The following RBM45 variants were observed in gnomAD, a reference collection of about 807,000 sequenced individuals.
RBM45 encodes the protein RNA binding motif protein 45.
A neutral mutation model predicts 58.5 loss-of-function variants in RBM45; 39 were observed. The ratio of observed to expected loss-of-function variants is 0.67; its 90% CI spans 0.52 to 0.87. The LOEUF (loss-of-function observed/expected upper bound fraction) is 0.87. Ranked by LOEUF, RBM45 falls within the 40% of genes least tolerant of loss-of-function variation. The pLI is 0.00. For synonymous variants in RBM45, 193 were observed against 203.0 expected (o/e 0.95, Z 0.42); for missense variants, 481 against 581.6 (o/e 0.83, Z 1.78).
At chr2:178,125,315 A>G (rs773008068) in intron 8 of RBM45, among the ~76,000 whole-genome samples, 6 of 152,226 alleles carry the variant, frequency 3.9e-5, no homozygotes, top group Non-Finnish European at 7.3e-5. Flanking sequence ...TGTAGGAAAC[A>G]GACAAGTAAA....
rs746594137 is a variant in RBM45 at position 178,123,829 on chromosome 2, C to T, written c.985C>T (p.Leu329Phe). Residue 329 changes from leucine (L) to phenylalanine (F), a missense_variant and splice_region_variant, in exon 7 of 10, where the codon CTC (leucine) becomes TTC (phenylalanine). Coordinates refer to ENST00000286070, the MANE Select transcript of RBM45 (RefSeq NM_152945.4). Reference sequence around the variant, plus strand: ...TAAATTATCAGTTATTTTTTCCAGTCTCCTTAGAAAAATGGCAACACAGAT... The same window carrying T: ...TAAATTATCAGTTATTTTTTCCAGTTTCCTTAGAAAAATGGCAACACAGAT... Reference protein sequence around the residue: ...FIDDGSNATDLLRKMATQMVA... With the variant: ...FIDDGSNATDFLRKMATQMVA... 1.2e-6 allele frequency: 2 copies of T among 1,612,872 alleles called. No homozygotes were observed. The highest frequency in any genetic ancestry group is 2.2e-5 in the South Asian group (2 of 90,760).
intron 1 of RBM45, among the ~76,000 whole-genome samples, chr2:178,115,473 A>G (rs1164997394): frequency 1.3e-5 from 2 of 152,092 alleles, no homozygotes; most frequent in Admixed American, 6.5e-5. Context: ...CTAGTGGGCC[A>G]TTTCCATGTT....
intron 5 of RBM45, 35 bp downstream of exon 5, chr2:178,121,394 A>ATT: frequency 1.1e-6 from 1 of 895,386 alleles, no homozygotes; most frequent in Non-Finnish European, 1.5e-6. Flanking sequence ...ATATATATAT[A>ATT]TGTATATATA....
intron 5 of RBM45, among the ~76,000 whole-genome samples, 162 bp from the exon 6 acceptor site, chr2:178,123,360 C>T (rs1480116981): frequency 6.6e-6 from 1 of 152,156 alleles, no homozygotes; most frequent in Non-Finnish European, 1.5e-5. Flanking sequence ...ACCTGTTGCA[C>T]ACATGATAAC....
At chr2:178,119,496 G>A (rs1173982482) in intron 3 of RBM45, among the ~76,000 whole-genome samples, 1 of 152,180 alleles carries the variant, frequency 6.6e-6, no homozygotes, top group East Asian at 1.9e-4. Context: ...TGGAACATGG[G>A]AACCATATAT....
rs752243855 is a variant in RBM45, at chr2:178,124,317, T to A, written c.1232+27T>A. 8 of 1,383,496 alleles carry A rather than the reference T, an allele frequency of 5.8e-6. No individual in the cohort carries two copies. The South Asian group carries it at 1.0e-4, about 17-fold the overall frequency. 85.7% of individuals were successfully genotyped at this position (1,383,496 alleles called of 1,614,324 possible). Reference sequence around the variant, plus strand: ...TAAGAAAGTTACATTTTTTGTTATATTTTATTTACACTAGTAATTTAATTA... The same window carrying A: ...TAAGAAAGTTACATTTTTTGTTATAATTTATTTACACTAGTAATTTAATTA... On this transcript the variant is annotated intron_variant, in intron 8 of 9. Transcript: ENST00000286070.
rs2087896576 is a variant in RBM45 at position 178,124,252 on chromosome 2, T to G, written c.1194T>G (p.Pro398=). ...AAAGACTTTTTATTGTGTTTAATCC[T>G]CATCCTTTACCTTTAGACGTATTAG... The part of the protein sequence containing the change: ...VKERLFIVFN[P]HPLPLDVLED... The change falls in exon 8 of 10, where the codon CCT becomes CCG. Residue 398 remains proline, a synonymous_variant. Coordinates refer to ENST00000286070, the MANE Select transcript of RBM45 (RefSeq NM_152945.4). The G allele has an allele frequency of 6.3e-7, 1 of 1,594,350 alleles. No homozygotes were observed. The highest frequency in any genetic ancestry group is 1.2e-5 in the South Asian group (1 of 86,642).
chr2:178,115,663 A>T (rs923497503), intron 1 of RBM45, among the ~76,000 whole-genome samples: 2 of 152,184 alleles, frequency 1.3e-5, no homozygotes, highest in African/African-American at 4.8e-5. Context: ...AGCCCCCTTT[A>T]CCAGCAGTGG....
At position 178,126,195 on chromosome 2, in the gene RBM45, T is replaced by C; in HGVS notation, c.*8+11T>C. 2.5e-6 allele frequency: 4 copies of C among 1,583,960 alleles called. No homozygotes were observed. The highest frequency in any genetic ancestry group is 2.6e-6 in the Non-Finnish European group (3 of 1,158,150). ...TTACTGATTCTTGAGGTAAGCCCTTTTTAATCTGAATTTTAAAACATATTG... is the reference window on the plus strand; with the variant it reads ...TTACTGATTCTTGAGGTAAGCCCTTCTTAATCTGAATTTTAAAACATATTG... On this transcript the variant is annotated intron_variant, in intron 9 of 9. Transcript: ENST00000286070.
chr2:178,128,474 G>C (rs903082443), intron 9 of RBM45, among the ~76,000 whole-genome samples: 1 of 152,162 alleles, frequency 6.6e-6, no homozygotes. Context: ...CAAATGATCA[G>C]AAACTAAAAG....
chr2:178,122,710 A>G (rs1170028222), intron 5 of RBM45, among the ~76,000 whole-genome samples: 1 of 152,038 alleles, frequency 6.6e-6, no homozygotes, highest in Non-Finnish European at 1.5e-5. Flanking sequence ...ACATCTTTTT[A>G]TTAATAGAGG....
At chr2:178,123,933 C>T in intron 7 of RBM45, 21 bp downstream of exon 7, 1 of 1,587,634 alleles carries the variant, frequency 6.3e-7, no homozygotes, top group Non-Finnish European at 8.6e-7. Context: ...AAGAATTTAA[C>T]CTTTATAATA....
chr2:178,129,611 A>G lies in RBM45; in HGVS notation c.*223A>G, dbSNP rs887165716. ...TATAGTAGTTGTTCCTTAGAGCAAT[A>G]TGTTGTTACGTGTAGCAGAAATAAA... is the stretch of plus-strand genomic sequence containing the variant. On this transcript the variant is annotated 3_prime_UTR_variant, in exon 10 of 10. Transcript: ENST00000286070. 1 of 152,674 alleles carries G rather than the reference A, an allele frequency of 6.5e-6. No homozygotes were observed. The highest frequency in any genetic ancestry group is 2.4e-5 in the African/African-American group (1 of 41,468). 9.5% of individuals were successfully genotyped at this position (152,674 alleles called of 1,614,324 possible).
At chr2:178,134,818 CCT>C (rs1327048093) in intron 3 of RBM45, among the ~76,000 whole-genome samples, 3 of 152,000 alleles carry the variant, frequency 2.0e-5, no homozygotes, top group Non-Finnish European at 4.4e-5. Context: ...CTGGTAAATC[CCT>C]GTCTCTACTA....
In RBM45 at chr2:178,122,113, G is replaced by A. The variant is rs915478072; in HGVS notation, c.853+754G>A. 2.6e-5 allele frequency among the ~76,000 whole-genome samples: 4 copies of A among 152,076 alleles called. 1 individual carries two copies. Among genetic ancestry groups the A allele is most frequent in the Non-Finnish European group, 4.4e-5 (3 of 68,010 alleles). On this transcript the variant is annotated intron_variant, in intron 5 of 9. Coordinates refer to ENST00000286070, the MANE Select transcript of RBM45 (RefSeq NM_152945.4). Reference sequence around the variant, plus strand: ...ATCCCCTCTGAGCCTCTCTTTCCTCGTATGTAAAATGGGATCATTGATACC... The same window carrying A: ...ATCCCCTCTGAGCCTCTCTTTCCTCATATGTAAAATGGGATCATTGATACC...
Position 178,121,127 on chromosome 2 carries a change from A to G in RBM45, c.674-53A>G, listed in dbSNP as rs928423952. On this transcript the variant is annotated intron_variant, in intron 4 of 9. Coordinates refer to ENST00000286070, the MANE Select transcript of RBM45 (RefSeq NM_152945.4). ...TTTCTAGTATTTAAAATGTTAAGCG[A>G]ATTGTTGGCTGTGTAGAAATCTAAA... 45 of 873,830 alleles carry G rather than the reference A, an allele frequency of 5.1e-5. No individual in the cohort carries two copies. In the East Asian group the frequency reaches 8.0e-4, roughly 16 times the overall value. The allele number at this position is 873,830 out of a possible 1,614,324, so 54.1% of individuals were successfully genotyped here.
intron 3 of RBM45, among the ~76,000 whole-genome samples, chr2:178,136,283 C>T (rs969934160): frequency 6.6e-6 from 1 of 152,244 alleles, no homozygotes; most frequent in East Asian, 1.9e-4. Context: ...GCACTCCAGC[C>T]TGAGCGACAG....
At chr2:178,122,148 AG>A (rs967748310) in intron 5 of RBM45, among the ~76,000 whole-genome samples, 13 of 152,140 alleles carry the variant, frequency 8.5e-5, no homozygotes, top group African/African-American at 2.9e-4. Context: ...CTTCTTTGCC[AG>A]GGTTAGGTAA....
In RBM45 at chr2:178,112,564, C is replaced by T; in HGVS notation, c.18C>T (p.Ser6=). 1.2e-6 allele frequency: 2 copies of T among 1,613,448 alleles called. No homozygotes were observed. Among genetic ancestry groups the T allele is most frequent in the Non-Finnish European group, 1.7e-6 (2 of 1,179,856 alleles). MDEAG[S]SASGGGFRPG... is the part of the protein sequence containing the mutation. ...GGAGCACCATGGACGAAGCTGGCAG[C>T]TCTGCGAGCGGCGGGGGCTTCCGCC... Residue 6 remains serine, a synonymous_variant, in exon 1 of 10, where the codon AGC becomes AGT. Transcript: ENST00000286070.
Sources: gnomAD v4.1 joint callset for allele counts (sites outside exome capture counted in the v4.1 genomes callset) on GRCh38, gnomAD v4.1.1 for gene constraint, MANE v1.5 for transcripts, NCBI Gene and HGNC (gene_info 2026-07-23, HGNC 2026-07-21) for gene names.